The following ZNF214 variants were observed in gnomAD, a reference collection of about 807,000 sequenced individuals.
The protein encoded by ZNF214 is BWSCR2-associated zinc finger protein 1.
In ZNF214, 43 loss-of-function variants were observed where a neutral mutation model predicts 53.9. The ratio of observed to expected loss-of-function variants is 0.80; its 90% confidence interval spans 0.63 to 1.03. The LOEUF (loss-of-function observed/expected upper bound fraction) is 1.03, where lower values mean the gene tolerates loss of function less well. ZNF214 is among the 50% of genes least tolerant of loss of function. ZNF214 has a pLI of 0.00. For missense variants in ZNF214, 724 were observed against 719.1 expected (o/e 1.01, Z -0.08); for synonymous variants, 217 against 229.5 (o/e 0.95, Z 0.49).
chr11:7,012,006 A>G (rs954397468), intron 1 of ZNF214, among the ~76,000 whole-genome samples: 1 of 152,222 alleles, frequency 6.6e-6, no homozygotes, highest in African/African-American at 2.4e-5. Context: ...CTTAAATTCA[A>G]TACATTCCAG....
intron 1 of ZNF214, among the ~76,000 whole-genome samples, chr11:7,005,572 C>G (rs1851454172): frequency 6.6e-6 from 1 of 151,992 alleles, no homozygotes; most frequent in Admixed American, 6.6e-5. Context: ...TTCTTTTGTT[C>G]CAGGGACTTG....
At chr11:7,013,466 A>C (rs1447613709) in intron 1 of ZNF214, among the ~76,000 whole-genome samples, 1 of 152,252 alleles carries the variant, frequency 6.6e-6, no homozygotes. Flanking sequence ...TATCTAAAGT[A>C]GCAGAACATG....
chr11:7,013,660 C>CTTT (rs1565000032), intron 1 of ZNF214, among the ~76,000 whole-genome samples: 2 of 152,046 alleles, frequency 1.3e-5, no homozygotes, highest in Non-Finnish European at 2.9e-5. Flanking sequence ...TTCCCACCTC[C>CTTT]TTTTCTCTCT....
rs760320764 is a variant in ZNF214, at chr11:7,000,083, C to A, written c.1600G>T (p.Gly534Cys). ...KPYKCHDCGKGFSHSSNLHIH... is the reference protein window; with the variant it reads ...KPYKCHDCGKCFSHSSNLHIH... ...TGAAGATTAGAACTGTGACTAAAACCCTTTCCACAATCATGACATTTATAG... is the reference window on the plus strand; with the variant it reads ...TGAAGATTAGAACTGTGACTAAAACACTTTCCACAATCATGACATTTATAG... Residue 534 changes from glycine to cysteine, a missense_variant, in exon 3 of 3, where the codon GGT becomes TGT. Gly to Cys is a radical substitution (Grantham distance 159). Coordinates refer to ENST00000278314, the MANE Select transcript of ZNF214 (RefSeq NM_013249.4). The A allele has an allele frequency of 1.2e-6, 2 of 1,613,382 alleles. No homozygotes were observed. Among genetic ancestry groups the A allele is most frequent in the South Asian group, 2.2e-5 (2 of 91,062 alleles).
In ZNF214 at chr11:7,000,424, C is replaced by T. The variant is rs1851304680; in HGVS notation, c.1259G>A (p.Gly420Asp). 6.2e-7 allele frequency: 1 copy of T among 1,613,244 alleles called. No individual in the cohort carries two copies. Among genetic ancestry groups the T allele is most frequent in the African/African-American group, 1.3e-5 (1 of 74,858 alleles). Residue 420 changes from glycine to aspartate, a missense_variant, in exon 3 of 3, where the codon GGT becomes GAT. Physicochemically the swap from Gly to Asp is moderately conservative, Grantham distance 94. Transcript: ENST00000278314. ...ATTTGAGCGCTGGGTAAAGCCTTTA[C>T]CACAGTCTTCACATTTATAAGACTT... ...GEKSYKCEDC[G>D]KGFTQRSNLQ...
rs200417007 is a variant in ZNF214, at chr11:7,002,836, C to A, written c.-1G>T. The A allele has an allele frequency of 1.3e-6, 2 of 1,595,420 alleles. No individual in the cohort carries two copies. Among genetic ancestry groups the A allele is most frequent in the East Asian group, 2.3e-5 (1 of 44,002 alleles). ...TCACATCTTCAAATGTTACTGCCATCTGGTCAAAGATCAGGCTTTCTAGGA... is the reference window on the plus strand; with the variant it reads ...TCACATCTTCAAATGTTACTGCCATATGGTCAAAGATCAGGCTTTCTAGGA... On this transcript the variant is annotated 5_prime_UTR_variant, in exon 2 of 3. Coordinates refer to ENST00000278314, the MANE Select transcript of ZNF214 (RefSeq NM_013249.4).
At chr11:7,013,816 A>G (rs1346946463) in intron 1 of ZNF214, among the ~76,000 whole-genome samples, 1 of 152,222 alleles carries the variant, frequency 6.6e-6, no homozygotes, top group Non-Finnish European at 1.5e-5. Flanking sequence ...ATCATGGTAA[A>G]GTGGTAGTTT....
intron 1 of ZNF214, among the ~76,000 whole-genome samples, chr11:7,008,193 G>T (rs1418436558): frequency 1.3e-5 from 2 of 152,064 alleles, no homozygotes; most frequent in Non-Finnish European, 2.9e-5. Context: ...AGCACTTTGG[G>T]AGCCCCAAGT....
At position 7,000,214 on chromosome 11, in the gene ZNF214, CTT is replaced by C. The variant is rs758693028; in HGVS notation, c.1467_1468del (p.Arg490SerfsTer11). ...GTAGGGTTTCTCTCCAGTATGTACT[CTT>C]TGATGAGTGTGAAGCTTTGAACTCT... is the stretch of plus-strand genomic sequence containing the variant. On this transcript the variant is annotated frameshift_variant, in exon 3 of 3. Coordinates refer to ENST00000278314, the MANE Select transcript of ZNF214 (RefSeq NM_013249.4). LOFTEE classifies it high-confidence loss of function. The C allele has an allele frequency of 1.2e-6, 2 of 1,613,308 alleles. No individual in the cohort carries two copies. The highest frequency in any genetic ancestry group is 2.2e-5 in the East Asian group (1 of 44,842).
At position 6,998,252 on chromosome 11, in the gene ZNF214, G is replaced by A. The variant is rs1000107318; in HGVS notation, c.*1610C>T. ...ATAACCAGAATTTTTCTTTCTGCAT[G>A]CTTTTAATTGCTTCTTTCTAACCTG... On this transcript the variant is annotated 3_prime_UTR_variant, in exon 3 of 3. Coordinates refer to ENST00000278314, the MANE Select transcript of ZNF214 (RefSeq NM_013249.4). Among the ~76,000 whole-genome samples, 3 of 151,854 alleles carry A rather than the reference G, an allele frequency of 2.0e-5. No individual in the cohort carries two copies. The highest frequency in any genetic ancestry group is 7.3e-5 in the African/African-American group (3 of 41,374).
In ZNF214 at chr11:7,000,179, C is replaced by T; in HGVS notation, c.1504G>A (p.Glu502Lys). 3 of 1,613,268 alleles carry T rather than the reference C, an allele frequency of 1.9e-6. No homozygotes were observed. The highest frequency in any genetic ancestry group is 2.5e-6 in the Non-Finnish European group (3 of 1,179,590). The part of the protein sequence containing the change: ...HTGEKPYKCE[E>K]CGKGFSQRSH... ...CGCTGACTGAATCCCTTGCCACACT[C>T]TTCACATTTGTAGGGTTTCTCTCCA... The change falls in exon 3 of 3, where the codon GAG (glutamate) becomes AAG (lysine). Residue 502 changes from glutamate (E) to lysine (K), a missense_variant. Physicochemically the swap from Glu to Lys is moderately conservative, Grantham distance 56 (BLOSUM62 1). Transcript: ENST00000278314.
In ZNF214 at chr11:7,017,174, A is replaced by G. The variant is rs187730943; in HGVS notation, c.-21+2899T>C. Among the ~76,000 whole-genome samples the G allele has an allele frequency of 2.8e-4, 42 of 152,332 alleles. No individual in the cohort carries two copies. In the East Asian group the frequency reaches 7.5e-3, roughly 27 times the overall value. On this transcript the variant is annotated intron_variant, in intron 1 of 2. Transcript: ENST00000278314. ...TGTGAAAAAGTCAACCCTACTAAGG[A>G]TTAAAAAGGATGCAAATCAAGGCAA... is the stretch of plus-strand genomic sequence containing the variant.
In ZNF214 at chr11:7,001,416, C is replaced by T; in HGVS notation, c.267G>A (p.Gly89=). The T allele has an allele frequency of 1.2e-6, 2 of 1,613,238 alleles. No homozygotes were observed. The highest frequency in any genetic ancestry group is 1.7e-6 in the Non-Finnish European group (2 of 1,179,402). Residue 89 remains glycine, a synonymous_variant, in exon 3 of 3, where the codon GGG becomes GGA. Coordinates refer to ENST00000278314, the MANE Select transcript of ZNF214 (RefSeq NM_013249.4). ...ENQNYGETVQ[G]TDSKDLTQQD... ...GCTGTGTGAGGTCTTTGGAATCTGT[C>T]CCTTGAACAGTTTCCCCATAGTTCT... is the stretch of plus-strand genomic sequence containing the variant.
At chr11:7,017,221 T>C (rs1443265596) in intron 1 of ZNF214, among the ~76,000 whole-genome samples, 3 of 152,184 alleles carry the variant, frequency 2.0e-5, no homozygotes, top group African/African-American at 4.8e-5. Flanking sequence ...TAATACTCAG[T>C]GCTGGCAAAG....
Position 6,999,728 on chromosome 11 carries a change from G to T in ZNF214, c.*134C>A, listed in dbSNP as rs984759157. 1.2e-5 allele frequency: 11 copies of T among 940,502 alleles called. No individual in the cohort carries two copies. Among genetic ancestry groups the T allele is most frequent in the African/African-American group, 1.6e-5 (1 of 60,922 alleles). The allele number at this position is 940,502 out of a possible 1,614,324, so 58.3% of individuals were successfully genotyped here. ...CTCCTTTTGAAGCAAATAATTCTTA[G>T]TGGGAGATAGGGGAAACTATAAATG... On this transcript the variant is annotated 3_prime_UTR_variant, in exon 3 of 3. Coordinates refer to ENST00000278314, the MANE Select transcript of ZNF214 (RefSeq NM_013249.4).
chr11:7,008,262 A>G (rs576887982), intron 1 of ZNF214, among the ~76,000 whole-genome samples: 2 of 152,082 alleles, frequency 1.3e-5, no homozygotes, highest in African/African-American at 4.8e-5. Flanking sequence ...GAGAAATCCC[A>G]TCTCTACAGA....
At chr11:7,016,690 C>T (rs1463510617) in intron 1 of ZNF214, among the ~76,000 whole-genome samples, 2 of 152,040 alleles carry the variant, frequency 1.3e-5, no homozygotes, top group Non-Finnish European at 2.9e-5. Context: ...GAAAAGGTAG[C>T]ACCACAGTCA....
At chr11:7,015,268 G>C (rs1851733844) in intron 1 of ZNF214, among the ~76,000 whole-genome samples, 2 of 152,008 alleles carry the variant, frequency 1.3e-5, no homozygotes, top group Admixed American at 1.3e-4. Flanking sequence ...GATAGTTTTA[G>C]AATTTTGAGT....
rs1219480091 is a variant in ZNF214 at position 7,000,212 on chromosome 11, C to T, written c.1471G>A (p.Val491Ile). 2 of 1,613,318 alleles carry T rather than the reference C, an allele frequency of 1.2e-6. No homozygotes were observed. Among genetic ancestry groups the T allele is most frequent in the Non-Finnish European group, 1.7e-6 (2 of 1,179,604 alleles). ...TTGTAGGGTTTCTCTCCAGTATGTA[C>T]TCTTTGATGAGTGTGAAGCTTTGAA... ...KSSKLHTHQR[V>I]HTGEKPYKCE... The change falls in exon 3 of 3, where the codon GTA becomes ATA. Residue 491 changes from valine to isoleucine, a missense_variant. Transcript: ENST00000278314.
Sources: allele counts gnomAD v4.1 joint callset (sites outside exome capture counted in the v4.1 genomes callset), GRCh38; gene constraint gnomAD v4.1.1; transcripts MANE v1.5; gene names NCBI Gene and HGNC (gene_info 2026-07-23, HGNC 2026-07-21).